LHFPL5: variants seen among roughly 807,000 people sequenced by gnomAD.
LHFPL5 encodes the protein LHFPL tetraspan subfamily member 5.
Under a neutral mutation model 18.7 loss-of-function variants are expected in LHFPL5, and 12 were observed. The ratio of observed to expected loss-of-function variants is 0.64; its 90% CI spans 0.41 to 1.04. LHFPL5 has a LOEUF of 1.04. Among genes scored for constraint, LHFPL5 ranks in the 50% least tolerant of loss-of-function variants. The pLI, the probability that LHFPL5 is intolerant of heterozygous loss-of-function variation, is 0.00. For missense variants in LHFPL5, 259 were observed against 292.1 expected (o/e 0.89, Z 0.83); for synonymous variants, 111 against 120.2 (o/e 0.92, Z 0.50).
In LHFPL5 at chr6:35,814,681, TC is replaced by T; in HGVS notation, c.550del (p.Leu184SerfsTer60). 2 of 1,614,136 alleles carry T rather than the reference TC, an allele frequency of 1.2e-6. No homozygotes were observed. Among genetic ancestry groups the T allele is most frequent in the African/African-American group, 2.7e-5 (2 of 75,034 alleles). ...ATCCGCTGGGCCTTCATGCTGGCCA[TC>T]CTCAGCATTGGCGACGCCCTCATCC... ...CTIRWAFMLA[I>X]LSIGDALILS... is the part of the protein sequence containing the mutation. On this transcript the variant is annotated frameshift_variant, in exon 2 of 4. Transcript: ENST00000360215. LOFTEE classifies it high-confidence loss of function. This position sits in a 1 kb window ranked among gnomAD's most constrained non-coding sequence, Gnocchi z 4.2.
rs182650398 is a variant in LHFPL5, at chr6:35,820,815, C to T, written c.*16+1352C>T. Among the ~76,000 whole-genome samples, 1,409 of 152,242 alleles carry T rather than the reference C, an allele frequency of 9.3e-3. 52 individuals are homozygous for T. The highest frequency in any genetic ancestry group is 0.069 in the Admixed American group (1,055 of 15,296). On this transcript the variant is annotated intron_variant, in intron 3 of 3. Transcript: ENST00000360215. The stretch of plus-strand genomic sequence containing the variant: ...AACAGCTGCCTGGAGGACCTACAGC[C>T]GACCAGGCGCTTTCTGTGGGAAGGA...
intron 1 of LHFPL5, among the ~76,000 whole-genome samples, chr6:35,813,451 G>A (rs562953594): frequency 9.9e-5 from 15 of 152,006 alleles, no homozygotes; most frequent in Admixed American, 8.5e-4. Context: ...CACCGTGTTA[G>A]CCAGGATGGT....
intron 1 of LHFPL5, among the ~76,000 whole-genome samples, chr6:35,810,826 CA>C (rs11339201): frequency 0.44 from 38,892 of 87,616 alleles, 5,251 homozygotes; most frequent in African/African-American, 0.55. Context: ...GACTCCGTCT[CA>C]AAAAAAAAAA....
intron 3 of LHFPL5, among the ~76,000 whole-genome samples, chr6:35,821,672 G>A (rs1768870598): frequency 6.6e-6 from 1 of 151,696 alleles, no homozygotes. Context: ...GTAGAGACGG[G>A]GTTTCTCCAT....
intron 1 of LHFPL5, among the ~76,000 whole-genome samples, chr6:35,809,918 C>T (rs1469090444): frequency 6.6e-6 from 1 of 152,218 alleles, no homozygotes; most frequent in African/African-American, 2.4e-5. Flanking sequence ...TCTAATGTTT[C>T]CTAGCTTTTC....
At chr6:35,817,849 TG>T (rs2151071507) in intron 2 of LHFPL5, among the ~76,000 whole-genome samples, 1 of 152,356 alleles carries the variant, frequency 6.6e-6, no homozygotes, top group Admixed American at 6.5e-5. Context: ...ATTCCACTAT[TG>T]GGTGTACACA....
intron 1 of LHFPL5, among the ~76,000 whole-genome samples, chr6:35,813,419 A>G (rs893660400): frequency 3.3e-5 from 5 of 151,070 alleles, no homozygotes; most frequent in Non-Finnish European, 4.4e-5. Context: ...TAATTTTTGT[A>G]TTTTTAGGAG....
chr6:35,815,580 T>A (rs1290422140), intron 2 of LHFPL5, among the ~76,000 whole-genome samples: 2 of 152,170 alleles, frequency 1.3e-5, no homozygotes, highest in Non-Finnish European at 2.9e-5. Context: ...GGGGACCTGT[T>A]ACACCTCAGA....
Position 35,819,457 on chromosome 6 carries a change from A to G in LHFPL5, c.*10A>G. The stretch of plus-strand genomic sequence containing the variant: ...TACAGAGGAGGTGTGAAGCAGCTGA[A>G]GGGTCGGTGAGTAATTCTATGGGAG... On this transcript the variant is annotated 3_prime_UTR_variant, in exon 3 of 4. Transcript: ENST00000360215. 6.2e-7 allele frequency: 1 copy of G among 1,613,828 alleles called. No individual in the cohort carries two copies.
intron 1 of LHFPL5, among the ~76,000 whole-genome samples, chr6:35,813,446 T>G (rs1279871687): frequency 2.0e-5 from 3 of 151,858 alleles, no homozygotes; most frequent in Non-Finnish European, 4.4e-5. Context: ...GGTTTCACCG[T>G]GTTAGCCAGG....
Position 35,823,446 on chromosome 6 carries a change from T to TACACAC in LHFPL5, c.*482_*483insCACACA, listed in dbSNP as rs1554147860. ...ACACATACATACACACACACATATATATACACACACACACACACACACACA... is the reference window on the plus strand; with the variant it reads ...ACACATACATACACACACACATATATACACACATACACACACACACACACACACACA... On this transcript the variant is annotated 3_prime_UTR_variant, in exon 4 of 4. Coordinates refer to ENST00000360215, the MANE Select transcript of LHFPL5 (RefSeq NM_182548.4). 103 of 79,614 alleles carry TACACAC rather than the reference T, an allele frequency of 1.3e-3. No homozygotes were observed. Among genetic ancestry groups the TACACAC allele is most frequent in the African/African-American group, 5.6e-3 (93 of 16,632 alleles). The allele number at this position is 79,614 out of a possible 1,614,324, so 4.9% of individuals were successfully genotyped here.
intron 2 of LHFPL5, among the ~76,000 whole-genome samples, chr6:35,819,157 C>A (rs1471837664): frequency 1.3e-5 from 2 of 152,118 alleles, no homozygotes; most frequent in African/African-American, 2.4e-5. Flanking sequence ...TATCACCCAT[C>A]TGCCCAACCA....
rs764044699 is a variant in LHFPL5, at chr6:35,814,501, G to C, written c.413-45G>C. 1.3e-5 allele frequency: 19 copies of C among 1,436,994 alleles called. No homozygotes were observed. Among genetic ancestry groups the C allele is most frequent in the Non-Finnish European group, 1.8e-5 (18 of 1,018,538 alleles). 89.0% of individuals were successfully genotyped at this position (1,436,994 alleles called of 1,614,324 possible). A position where few individuals can be genotyped will look rare whatever the true frequency, so the allele number is the denominator to read the frequency against. On this transcript the variant is annotated intron_variant, in intron 1 of 3. Coordinates refer to ENST00000360215, the MANE Select transcript of LHFPL5 (RefSeq NM_182548.4). This position sits in a 1 kb window ranked among gnomAD's most constrained non-coding sequence, Gnocchi z 4.2. Reference sequence around the variant, plus strand: ...GCAAGGTGTGGGAGGTAGCGGGCTAGGCACACTCGGCCTGATGCCATGTGC... The same window carrying C: ...GCAAGGTGTGGGAGGTAGCGGGCTACGCACACTCGGCCTGATGCCATGTGC...
chr6:35,819,119 C>T (rs945042017), intron 2 of LHFPL5, among the ~76,000 whole-genome samples: 2 of 152,210 alleles, frequency 1.3e-5, no homozygotes, highest in African/African-American at 4.8e-5. Flanking sequence ...GGGTGTGAGC[C>T]ACTGCATCGG....
chr6:35,819,676 CTG>C, intron 3 of LHFPL5: 1 of 578,282 alleles, frequency 1.7e-6, no homozygotes, highest in Admixed American at 3.2e-5. Context: ...TTAGTTTTAC[CTG>C]TGTCTTTTTT....
intron 3 of LHFPL5, chr6:35,819,829 C>A: frequency 3.3e-6 from 1 of 299,076 alleles, no homozygotes; most frequent in Non-Finnish European, 6.5e-6. Context: ...AGGTGCGTGC[C>A]ACCATGCCTG....
chr6:35,810,939 CA>C (rs745979627), intron 1 of LHFPL5, among the ~76,000 whole-genome samples: 3 of 151,920 alleles, frequency 2.0e-5, no homozygotes, highest in Non-Finnish European at 4.4e-5. Context: ...TGGCTTAGAA[CA>C]ACGGTTTATG....
chr6:35,810,743 C>A (rs555911186), intron 1 of LHFPL5, among the ~76,000 whole-genome samples: 1 of 149,718 alleles, frequency 6.7e-6, no homozygotes, highest in Non-Finnish European at 1.5e-5. Context: ...AGGAGAATGG[C>A]GTGAACCCAG....
In LHFPL5 at chr6:35,814,410, G is replaced by T. The variant is rs1768722392; in HGVS notation, c.413-136G>T. ...TGTGTTCTGCAAGAAGGATGGTAGA[G>T]GCTGCCTCTCATGCCTCCTGAGGCT... On this transcript the variant is annotated intron_variant, in intron 1 of 3. Transcript: ENST00000360215. This position sits in a 1 kb window ranked among gnomAD's most constrained non-coding sequence, Gnocchi z 4.2. 1 of 797,534 alleles carries T rather than the reference G, an allele frequency of 1.3e-6. No individual in the cohort carries two copies. Among genetic ancestry groups the T allele is most frequent in the Non-Finnish European group, 2.2e-6 (1 of 446,430 alleles). 49.4% of individuals were successfully genotyped at this position (797,534 alleles called of 1,614,324 possible).
Sources: allele counts gnomAD v4.1 joint callset (sites outside exome capture counted in the v4.1 genomes callset), GRCh38; gene constraint gnomAD v4.1.1; non-coding constraint Gnocchi (gnomAD v3.1); transcripts MANE v1.5; gene names NCBI Gene and HGNC (gene_info 2026-07-23, HGNC 2026-07-21).